Variants in PCDH7 observed in about 807,000 individuals in gnomAD.
The protein encoded by PCDH7 is protocadherin-7.
Under a neutral mutation model 58.9 loss-of-function variants are expected in PCDH7, and 17 were observed. That is an observed-to-expected ratio of 0.29 (90% CI 0.20 to 0.43). The LOEUF (loss-of-function observed/expected upper bound fraction) is 0.43, where lower values mean the gene tolerates loss of function less well. Ranked by LOEUF, PCDH7 falls within the 20% of genes least tolerant of loss-of-function variation. The probability of loss-of-function intolerance (pLI) is 1.00; values close to 1 mark genes in which losing one functional copy is unlikely to be tolerated. For missense variants in PCDH7, 1,274 were observed against 1,441.0 expected, an observed-to-expected ratio of 0.88 and a Z score of 1.88; for synonymous variants, 664 against 616.4, an observed-to-expected ratio of 1.08 and a Z score of -1.14.
exon 2 of PCDH7, chr4:30,920,339 A>G: frequency 7.3e-7 from 1 of 1,367,472 alleles, no homozygotes; most frequent in South Asian, 1.1e-5. Context: ...GCCGGATGGC[A>G]GTGTTGGTGA....
At chr4:30,927,076 C>A (rs577440513) in intron 2 of PCDH7, among the ~76,000 whole-genome samples, 133 of 152,120 alleles carry the variant, frequency 8.7e-4, no homozygotes, top group Non-Finnish European at 1.7e-3. Flanking sequence ...GAGCGCTCAT[C>A]AAATCTCAAA....
chr4:31,000,109 AATT>A (rs1752242165), intron 3 of PCDH7, among the ~76,000 whole-genome samples: 1 of 152,102 alleles, frequency 6.6e-6, no homozygotes. Flanking sequence ...TATTGAACAA[AATT>A]ATGTGCTGTA....
chr4:30,946,840 G>T (rs1746749219), intron 2 of PCDH7, among the ~76,000 whole-genome samples: 1 of 151,786 alleles, frequency 6.6e-6, no homozygotes. Context: ...CTCCCAAGTA[G>T]CTGGGATTAC....
intron 2 of PCDH7, among the ~76,000 whole-genome samples, chr4:30,929,676 A>C (rs1331867748): frequency 6.6e-6 from 1 of 151,992 alleles, no homozygotes; most frequent in African/African-American, 2.4e-5. Flanking sequence ...AATCTTCTTC[A>C]TTTCTGCTTG....
exon 4 of PCDH7, chr4:31,142,684 C>T (rs773173730): frequency 1.5e-6 from 2 of 1,367,746 alleles, no homozygotes; most frequent in Non-Finnish European, 9.8e-7. Flanking sequence ...GTGACCGCAA[C>T]AGAAACCTCC....
chr4:31,009,563 A>C (rs1753021726), intron 3 of PCDH7, among the ~76,000 whole-genome samples: 1 of 152,004 alleles, frequency 6.6e-6, no homozygotes, highest in Non-Finnish European at 1.5e-5. Context: ...CAGTCACTAA[A>C]ATTGAATATA....
At chr4:30,810,562 C>A (rs969583278) in intron 1 of PCDH7, among the ~76,000 whole-genome samples, 1 of 150,026 alleles carries the variant, frequency 6.7e-6, no homozygotes, top group East Asian at 2.0e-4. Flanking sequence ...TTTTAAAAAA[C>A]GTCTTCTCAT....
chr4:31,120,807 G>T (rs16884372), intron 3 of PCDH7, among the ~76,000 whole-genome samples: 18,377 of 152,114 alleles, frequency 0.12, 2,185 homozygotes, highest in East Asian at 0.48. Context: ...GTCTAGATTA[G>T]CTAGTTGAAC....
intron 1 of PCDH7, among the ~76,000 whole-genome samples, chr4:30,871,103 C>A (rs535259661): frequency 6.6e-6 from 1 of 152,026 alleles, no homozygotes; most frequent in African/African-American, 2.4e-5. Context: ...TTAAAAATTT[C>A]ATAGAGGAAA....
At chr4:30,890,230 C>T (rs2109382382) in intron 1 of PCDH7, among the ~76,000 whole-genome samples, 1 of 152,230 alleles carries the variant, frequency 6.6e-6, no homozygotes, top group East Asian at 1.9e-4. Flanking sequence ...AATGAAATCA[C>T]TGTCAAAGCG....
intron 3 of PCDH7, among the ~76,000 whole-genome samples, chr4:31,125,217 T>C (rs1218395706): frequency 6.6e-6 from 1 of 152,158 alleles, no homozygotes; most frequent in Admixed American, 6.5e-5. Context: ...GGAGAAAACC[T>C]CCAGGAAAAA....
intron 3 of PCDH7, among the ~76,000 whole-genome samples, chr4:31,055,667 C>A (rs1013687182): frequency 1.3e-5 from 2 of 152,040 alleles, no homozygotes; most frequent in African/African-American, 4.8e-5. Context: ...ACCTCCACCT[C>A]ACGGGTTCAA....
intron 3 of PCDH7, among the ~76,000 whole-genome samples, chr4:30,973,545 A>G (rs191470953): frequency 6.6e-6 from 1 of 152,166 alleles, no homozygotes; most frequent in Non-Finnish European, 1.5e-5. Flanking sequence ...GAGGAAGGGG[A>G]CAAAAGCCAA....
chr4:30,968,972 G>A (rs13102961), intron 3 of PCDH7, among the ~76,000 whole-genome samples: 28,739 of 152,022 alleles, frequency 0.19, 3,424 homozygotes, highest in South Asian at 0.26. Flanking sequence ...TTATGTAACA[G>A]CTTCAGGATC....
chr4:30,970,357 C>T lies in PCDH7; in HGVS notation c.*7+20142C>T, dbSNP rs537222292. 9.5e-4 allele frequency among the ~76,000 whole-genome samples: 144 copies of T among 151,746 alleles called. 1 individual carries two copies. The East Asian group carries it at 0.019, about 20-fold the overall frequency. ...TCGCCCAGGCTGGAGTGCAGTGGCA[C>T]GATCTCGGCTCACTGCAAGCTCCCC... On this transcript the variant is annotated intron_variant, in intron 3 of 3. Coordinates refer to the PCDH7 transcript ENST00000509759.
intron 1 of PCDH7, among the ~76,000 whole-genome samples, chr4:30,826,592 G>T (rs548800485): frequency 3.3e-5 from 5 of 152,144 alleles, no homozygotes; most frequent in African/African-American, 9.6e-5. Context: ...ACCCAGAAAT[G>T]GATATGCCTC....
At chr4:30,780,844 A>T (rs1168421779) in intron 1 of PCDH7, among the ~76,000 whole-genome samples, 3 of 152,180 alleles carry the variant, frequency 2.0e-5, no homozygotes, top group African/African-American at 7.2e-5. Context: ...AAAACAGCTC[A>T]TGACGGAGCT....
intron 2 of PCDH7, among the ~76,000 whole-genome samples, chr4:30,927,482 A>G (rs572273190): frequency 1.4e-4 from 22 of 151,772 alleles, no homozygotes; most frequent in African/African-American, 4.6e-4. Flanking sequence ...AGAAGTAGAC[A>G]TGGGAGACTT....
intron 3 of PCDH7, among the ~76,000 whole-genome samples, chr4:31,034,118 A>C (rs1578616543): frequency 7.0e-6 from 1 of 142,986 alleles, no homozygotes; most frequent in Non-Finnish European, 1.5e-5. Context: ...AACAAACAAA[A>C]AACTATCCAG....
Sources: allele counts gnomAD v4.1 joint callset (sites outside exome capture counted in the v4.1 genomes callset), GRCh38; gene constraint gnomAD v4.1.1; transcripts MANE v1.5; gene names NCBI Gene and HGNC (gene_info 2026-07-23, HGNC 2026-07-21).